Variants in AFF3 observed in about 807,000 individuals in gnomAD.
AFF3 encodes ALF transcription elongation factor 3, also known as AF4/FMR2 family member 3.
A neutral mutation model predicts 129.7 loss-of-function variants in AFF3; 32 were observed. The observed-to-expected ratio is 0.25, with a 90% CI of 0.19 to 0.33. The LOEUF is 0.33. Among genes scored for constraint, AFF3 ranks in the 10% least tolerant of loss-of-function variants. The pLI, the probability that AFF3 is intolerant of heterozygous loss-of-function variation, is 1.00. For missense variants in AFF3, 1,373 were observed against 1,592.0 expected (o/e 0.86, Z 2.34); for synonymous variants, 644 against 635.4 (o/e 1.01, Z -0.20).
At chr2:99,842,045 G>A (rs553499495) in intron 7 of AFF3, among the ~76,000 whole-genome samples, 1 of 152,130 alleles carries the variant, frequency 6.6e-6, no homozygotes, top group South Asian at 2.1e-4. Flanking sequence ...GAGAGGAGAG[G>A]GGAAGTAGAG....
intron 15 of AFF3, among the ~76,000 whole-genome samples, chr2:99,589,559 G>A (rs1281241399): frequency 6.6e-6 from 1 of 151,842 alleles, no homozygotes; most frequent in Non-Finnish European, 1.5e-5. Context: ...GCGCCACCAC[G>A]CCCAGCTATT....
chr2:100,032,394 A>G (rs2104967714), intron 4 of AFF3, among the ~76,000 whole-genome samples: 1 of 151,886 alleles, frequency 6.6e-6, no homozygotes, highest in South Asian at 2.1e-4. Flanking sequence ...GCGCCACTGC[A>G]CTACAGCCTG....
At chr2:99,964,679 C>A (rs995704309) in intron 7 of AFF3, among the ~76,000 whole-genome samples, 2 of 152,076 alleles carry the variant, frequency 1.3e-5, no homozygotes, top group Non-Finnish European at 2.9e-5. Context: ...GTATTACATG[C>A]AAAAATTCTC....
Position 99,635,181 on chromosome 2 carries a change from T to C in AFF3, c.1184+14445A>G, listed in dbSNP as rs188697742. Among the ~76,000 whole-genome samples, 453 of 151,740 alleles carry C rather than the reference T, an allele frequency of 3.0e-3. 4 individuals carry two copies. Among genetic ancestry groups the C allele is most frequent in the African/African-American group, 9.4e-3 (390 of 41,286 alleles). On this transcript the variant is annotated intron_variant, in intron 13 of 24. Coordinates refer to ENST00000672756, the MANE Select transcript of AFF3 (RefSeq NM_001386135.1). Reference sequence around the variant, plus strand: ...TATGATATATACACATATCTCTATATATGATATATACACATCTCTATGTAT... The same window carrying C: ...TATGATATATACACATATCTCTATACATGATATATACACATCTCTATGTAT...
At chr2:99,896,018 G>A (rs531915067) in intron 7 of AFF3, among the ~76,000 whole-genome samples, 160 of 143,368 alleles carry the variant, frequency 1.1e-3, no homozygotes, top group South Asian at 4.0e-3. Context: ...GCAGTGAGGC[G>A]AGATCGCACC....
intron 1 of AFF3, among the ~76,000 whole-genome samples, chr2:100,134,585 A>C (rs979619846): frequency 6.6e-6 from 1 of 152,150 alleles, no homozygotes; most frequent in Non-Finnish European, 1.5e-5. Context: ...AAGATCATTT[A>C]ATCTTTACCT....
intron 4 of AFF3, among the ~76,000 whole-genome samples, chr2:100,049,785 A>G (rs1011515022): frequency 1.3e-5 from 2 of 152,192 alleles, no homozygotes; most frequent in Non-Finnish European, 2.9e-5. Context: ...GGAAAATATA[A>G]ATAATCCAAT....
chr2:100,114,136 C>T (rs1691632401), intron 2 of AFF3, among the ~76,000 whole-genome samples: 1 of 152,126 alleles, frequency 6.6e-6, no homozygotes, highest in Non-Finnish European at 1.5e-5. Flanking sequence ...TCTGAGAAGC[C>T]AGAGAAAGTA....
At chr2:99,921,999 C>A (rs1695887078) in intron 7 of AFF3, among the ~76,000 whole-genome samples, 1 of 152,046 alleles carries the variant, frequency 6.6e-6, no homozygotes, top group African/African-American at 2.4e-5. Context: ...CAAATTAAAG[C>A]CACAATGAGA....
At chr2:99,676,290 G>T (rs532520861) in intron 11 of AFF3, among the ~76,000 whole-genome samples, 1 of 152,156 alleles carries the variant, frequency 6.6e-6, no homozygotes, top group East Asian at 1.9e-4. Context: ...AGGGATGTCC[G>T]TCCGTAGCAG....
chr2:100,056,633 C>T (rs1004903465), intron 4 of AFF3, among the ~76,000 whole-genome samples: 2 of 152,134 alleles, frequency 1.3e-5, no homozygotes, highest in Non-Finnish European at 2.9e-5. Context: ...GTTTATTCTA[C>T]CCTTTCCAAC....
At chr2:99,645,677 G>C (rs1467489746) in intron 13 of AFF3, among the ~76,000 whole-genome samples, 1 of 152,144 alleles carries the variant, frequency 6.6e-6, no homozygotes, top group Non-Finnish European at 1.5e-5. Flanking sequence ...CATTGGTCAG[G>C]CAAAACCAAG....
At chr2:99,618,268 C>T (rs1454869222) in intron 13 of AFF3, among the ~76,000 whole-genome samples, 2 of 110,720 alleles carry the variant, frequency 1.8e-5, no homozygotes, top group African/African-American at 3.6e-5. Flanking sequence ...CAGAGTCTTG[C>T]TCTGTCACCC....
At chr2:99,737,633 T>C (rs369610223) in intron 10 of AFF3, among the ~76,000 whole-genome samples, 11 of 151,892 alleles carry the variant, frequency 7.2e-5, no homozygotes, top group African/African-American at 2.7e-4. Context: ...GTGTGTAGTG[T>C]GGACTTTTTT....
chr2:99,747,774 A>G (rs1681288659), intron 9 of AFF3, among the ~76,000 whole-genome samples: 1 of 152,130 alleles, frequency 6.6e-6, no homozygotes, highest in Non-Finnish European at 1.5e-5. Flanking sequence ...CAAGAATAAA[A>G]TCAAAGACTT....
intron 7 of AFF3, among the ~76,000 whole-genome samples, chr2:99,908,808 T>C (rs1694907106): frequency 6.6e-6 from 1 of 152,134 alleles, no homozygotes; most frequent in Non-Finnish European, 1.5e-5. Context: ...TGGCGATCAT[T>C]AAAAAGTCAG....
rs531223035 is a variant in AFF3 at position 99,868,016 on chromosome 2, C to CTTTT, written c.874-30493_874-30492insAAAA. On this transcript the variant is annotated intron_variant, in intron 7 of 24. Transcript: ENST00000672756. ...TTAACACCCACGACTCTCTTTCTTT[C>CTTTT]CTTTTTTTTTTTTTTTAGGTCCTTT... 2.9e-5 allele frequency among the ~76,000 whole-genome samples: 4 copies of CTTTT among 136,166 alleles called. 1 individual carries two copies. Among genetic ancestry groups the CTTTT allele is most frequent in the Non-Finnish European group, 4.5e-5 (3 of 66,324 alleles). 89.3% of individuals were successfully genotyped at this position (136,166 alleles called of 152,430 possible). A position where few individuals can be genotyped will look rare whatever the true frequency, so the allele number is the denominator to read the frequency against.
chr2:100,121,534 A>C (rs925512963), intron 2 of AFF3, among the ~76,000 whole-genome samples: 9 of 152,244 alleles, frequency 5.9e-5, no homozygotes, highest in African/African-American at 2.2e-4. Context: ...GTGCTCAATG[A>C]ATGCTTGCTA....
At chr2:99,556,909 G>A (rs1434150251) in intron 22 of AFF3, among the ~76,000 whole-genome samples, 2 of 150,066 alleles carry the variant, frequency 1.3e-5, no homozygotes, top group African/African-American at 5.0e-5. Context: ...GCAACAGAAC[G>A]GGACAGAAAA....
Sources: allele counts gnomAD v4.1 joint callset (sites outside exome capture counted in the v4.1 genomes callset), GRCh38; gene constraint gnomAD v4.1.1; transcripts MANE v1.5; gene names NCBI Gene and HGNC (gene_info 2026-07-23, HGNC 2026-07-21).